Variants in GNA14 observed in about 807,000 individuals in gnomAD.
The protein encoded by GNA14 is guanine nucleotide-binding protein subunit alpha-14.
A neutral mutation model predicts 42.0 loss-of-function variants in GNA14; 50 were observed. The ratio of observed to expected loss-of-function variants is 1.19; its 90% CI spans 0.95 to 1.51. GNA14 has a LOEUF of 1.51. Among genes scored for constraint, GNA14 ranks in the 40% most tolerant of loss-of-function variants. GNA14 has a pLI of 0.00. For missense variants in GNA14, 473 were observed against 446.2 expected (o/e 1.06, Z -0.54); for synonymous variants, 173 against 163.1 (o/e 1.06, Z -0.46).
intron 4 of GNA14, among the ~76,000 whole-genome samples, 177 bp from the exon 5 acceptor site, chr9:77,429,213 AC>A (rs1482380274): frequency 6.6e-6 from 1 of 152,340 alleles, no homozygotes; most frequent in East Asian, 1.9e-4. Context: ...ATGAGGGACC[AC>A]TGGATGTTTC....
At chr9:77,496,087 T>C (rs906528438) in intron 2 of GNA14, among the ~76,000 whole-genome samples, 5 of 152,310 alleles carry the variant, frequency 3.3e-5, no homozygotes, top group Non-Finnish European at 5.9e-5. Context: ...TCTGTCTACA[T>C]TGTCCTTGGA....
At chr9:77,517,606 T>TTTTTTTTA in intron 2 of GNA14, 1 of 100,892 alleles carries the variant, frequency 9.9e-6, no homozygotes, top group Non-Finnish European at 2.0e-5. Context: ...TTTTTTTTTT[T>TTTTTTTTA]TTTTTTTTTT....
intron 2 of GNA14, among the ~76,000 whole-genome samples, chr9:77,436,948 A>T (rs1467419459): frequency 6.6e-6 from 1 of 152,170 alleles, no homozygotes; most frequent in Non-Finnish European, 1.5e-5. Flanking sequence ...TCACAGTGGG[A>T]GCACACACGG....
At chr9:77,515,975 A>AAAAAAAAAAAAAAAAAAAAAAC in intron 2 of GNA14, among the ~76,000 whole-genome samples, 1 of 149,074 alleles carries the variant, frequency 6.7e-6, no homozygotes, top group Non-Finnish European at 1.5e-5. Context: ...AAAAAAAAAA[A>AAAAAAAAAAAAAAAAAAAAAAC]AAAAAAAACC....
chr9:77,560,199 A>G (rs779379942), intron 1 of GNA14, among the ~76,000 whole-genome samples: 1 of 152,138 alleles, frequency 6.6e-6, no homozygotes, highest in East Asian at 1.9e-4. Flanking sequence ...AGGAAAGTAT[A>G]TAAGTTTTAT....
intron 1 of GNA14, among the ~76,000 whole-genome samples, chr9:77,637,104 T>C (rs1487056305): frequency 6.6e-6 from 1 of 152,132 alleles, no homozygotes; most frequent in Admixed American, 6.5e-5. Flanking sequence ...AGGTAAAACA[T>C]ACATTTACTG....
At chr9:77,608,371 T>A (rs1823671752) in intron 1 of GNA14, among the ~76,000 whole-genome samples, 1 of 152,186 alleles carries the variant, frequency 6.6e-6, no homozygotes. Flanking sequence ...ACCTTGAGTA[T>A]CACCTATACC....
intron 1 of GNA14, among the ~76,000 whole-genome samples, chr9:77,606,089 C>T (rs1204431751): frequency 6.6e-6 from 1 of 151,986 alleles, no homozygotes; most frequent in Non-Finnish European, 1.5e-5. Flanking sequence ...AGTGGGCAGC[C>T]GTGAAATGAA....
intron 2 of GNA14, among the ~76,000 whole-genome samples, chr9:77,499,399 A>C (rs1032148210): frequency 6.6e-5 from 10 of 152,176 alleles, no homozygotes; most frequent in Non-Finnish European, 1.3e-4. Context: ...CAAAAAAAAA[A>C]AAAACTGATG....
chr9:77,608,705 C>A, intron 1 of GNA14, among the ~76,000 whole-genome samples: 1 of 147,262 alleles, frequency 6.8e-6, no homozygotes, highest in East Asian at 2.0e-4. Context: ...TCATCCTATC[C>A]TGACAATGTA....
intron 2 of GNA14, among the ~76,000 whole-genome samples, chr9:77,481,663 A>G (rs1340102279): frequency 2.0e-5 from 3 of 151,624 alleles, no homozygotes; most frequent in Admixed American, 6.6e-5. Context: ...AAAGTCTCCC[A>G]TTATTATTGT....
intron 2 of GNA14, among the ~76,000 whole-genome samples, chr9:77,450,006 C>T (rs940168766): frequency 1.5e-4 from 23 of 152,076 alleles, no homozygotes; most frequent in African/African-American, 5.1e-4. Flanking sequence ...TTCATGGTAC[C>T]GGACAGACTG....
At chr9:77,481,576 A>C (rs1587789452) in intron 2 of GNA14, among the ~76,000 whole-genome samples, 2 of 152,298 alleles carry the variant, frequency 1.3e-5, no homozygotes, top group East Asian at 1.9e-4. Context: ...TGCTTGGTGC[A>C]GAGGTGAGTT....
chr9:77,463,839 T>A (rs1472584931), intron 2 of GNA14, among the ~76,000 whole-genome samples: 1 of 152,158 alleles, frequency 6.6e-6, no homozygotes, highest in Non-Finnish European at 1.5e-5. Context: ...TTAGAAAGAA[T>A]CCTGGGGCTG....
At chr9:77,606,666 G>C (rs531669955) in intron 1 of GNA14, among the ~76,000 whole-genome samples, 2 of 152,254 alleles carry the variant, frequency 1.3e-5, no homozygotes, top group South Asian at 2.1e-4. Flanking sequence ...TTCCTTATTT[G>C]GGGTTCCTGG....
intron 1 of GNA14, among the ~76,000 whole-genome samples, chr9:77,644,553 G>T (rs981897414): frequency 1.3e-5 from 2 of 151,378 alleles, no homozygotes; most frequent in African/African-American, 4.9e-5. Flanking sequence ...GAGGCCTCCG[G>T]AAAAACCAAA....
In GNA14 at chr9:77,647,651, C is replaced by G. The variant is rs1564075323; in HGVS notation, c.124+19G>C. On this transcript the variant is annotated intron_variant, in intron 1 of 6. Coordinates refer to ENST00000341700, the MANE Select transcript of GNA14 (RefSeq NM_004297.4). ...AGAAAAACGCCCGGCTCACTGGAGT[C>G]GGAGACGCAGCCACTCACCCAGCAG... The G allele has an allele frequency of 5.0e-6, 8 of 1,602,486 alleles. No individual in the cohort carries two copies. The highest frequency in any genetic ancestry group is 6.8e-6 in the Non-Finnish European group (8 of 1,175,244).
chr9:77,428,865 G>T (rs948067916), intron 5 of GNA14, 42 bp downstream of exon 5: 1 of 1,602,566 alleles, frequency 6.2e-7, no homozygotes, highest in Non-Finnish European at 8.5e-7. Flanking sequence ...CACAGAATAG[G>T]CTCTGGCTTC....
chr9:77,627,132 G>T (rs1824024061), intron 1 of GNA14, among the ~76,000 whole-genome samples: 2 of 152,104 alleles, frequency 1.3e-5, no homozygotes, highest in African/African-American at 4.8e-5. Context: ...AGAAAATCTA[G>T]AAGAAATTCA....
Sources: allele counts gnomAD v4.1 joint callset (sites outside exome capture counted in the v4.1 genomes callset), GRCh38; gene constraint gnomAD v4.1.1; transcripts MANE v1.5; gene names NCBI Gene and HGNC (gene_info 2026-07-23, HGNC 2026-07-21).